Variants in SCAPER observed in about 807,000 individuals in gnomAD.
The protein encoded by SCAPER is S phase cyclin A-associated protein in the endoplasmic reticulum.
In SCAPER, 98 loss-of-function variants were observed where a neutral mutation model predicts 182.2. The observed-to-expected ratio is 0.54, with a 90% confidence interval of 0.46 to 0.64. The LOEUF (loss-of-function observed/expected upper bound fraction) is 0.64. Ranked by LOEUF, SCAPER falls within the 30% of genes least tolerant of loss-of-function variation. SCAPER has a pLI of 0.00. For synonymous variants in SCAPER, 605 were observed against 564.6 expected (o/e 1.07, Z -1.01); for missense variants, 1,432 against 1,690.0 (o/e 0.85, Z 2.68).
At chr15:76,544,572 A>G (rs1007319211) in intron 23 of SCAPER, among the ~76,000 whole-genome samples, 3 of 152,206 alleles carry the variant, frequency 2.0e-5, no homozygotes, top group Admixed American at 1.3e-4. Context: ...AAAAGACCAC[A>G]TATCGAATAA....
intron 27 of SCAPER, among the ~76,000 whole-genome samples, chr15:76,389,263 G>T (rs1170712954): frequency 6.6e-6 from 1 of 151,946 alleles, no homozygotes. Context: ...AACTTTGGGA[G>T]GCTGAGGTGG....
Position 76,762,013 on chromosome 15 carries a change from C to A in SCAPER, c.1725+2948G>T, listed in dbSNP as rs138551235. Among the ~76,000 whole-genome samples, 58 of 152,250 alleles carry A rather than the reference C, an allele frequency of 3.8e-4. 1 individual carries two copies. In the East Asian group the frequency reaches 9.8e-3, roughly 26 times the overall value. The stretch of plus-strand genomic sequence containing the variant: ...GTTGTATCCTCCTGTTAAACTGAAT[C>A]TTTTATCATTATTTAATGGCCTTCT... On this transcript the variant is annotated intron_variant, in intron 14 of 31. Coordinates refer to ENST00000563290, the MANE Select transcript of SCAPER (RefSeq NM_020843.4).
At position 76,406,846 on chromosome 15, in the gene SCAPER, G is replaced by C. The variant is rs538009045; in HGVS notation, c.3312-2167C>G. On this transcript the variant is annotated intron_variant, in intron 26 of 31. Coordinates refer to ENST00000563290, the MANE Select transcript of SCAPER (RefSeq NM_020843.4). ...ATGCAGGAGTGAGCATGTGCTTCAG[G>C]ACAGTCAAAGTACTCATCATCTTGG... 3.9e-5 allele frequency among the ~76,000 whole-genome samples: 6 copies of C among 152,244 alleles called. No individual in the cohort carries two copies. In the East Asian group the frequency reaches 7.7e-4, roughly 20 times the overall value.
rs112094211 is a variant in SCAPER, at chr15:76,811,133, A to G, written c.394-6500T>C. On this transcript the variant is annotated intron_variant, in intron 5 of 31. Coordinates refer to ENST00000563290, the MANE Select transcript of SCAPER (RefSeq NM_020843.4). The stretch of plus-strand genomic sequence containing the variant: ...TAGATAGAATTTACAAAAAAAAAAA[A>G]AAAGACAACGAAACAATACAAACCA... Among the ~76,000 whole-genome samples, 998 of 151,776 alleles carry G rather than the reference A, an allele frequency of 6.6e-3. 14 individuals carry two copies. The highest frequency in any genetic ancestry group is 0.023 in the African/African-American group (954 of 41,456).
intron 5 of SCAPER, among the ~76,000 whole-genome samples, chr15:76,837,409 T>C (rs2069053878): frequency 6.6e-6 from 1 of 152,142 alleles, no homozygotes; most frequent in Admixed American, 6.6e-5. Flanking sequence ...ATGATCATGG[T>C]GGAAGGGGAA....
intron 2 of SCAPER, among the ~76,000 whole-genome samples, chr15:76,879,781 T>C (rs1314341479): frequency 6.6e-6 from 1 of 152,196 alleles, no homozygotes; most frequent in African/African-American, 2.4e-5. Flanking sequence ...CTAAGTTTTC[T>C]TCAACCCCGA....
chr15:76,850,823 G>A (rs994350614), intron 4 of SCAPER, among the ~76,000 whole-genome samples: 9 of 139,156 alleles, frequency 6.5e-5, no homozygotes, highest in African/African-American at 2.4e-4. Context: ...TTGCGCCATT[G>A]TATTCCAGCC....
intron 23 of SCAPER, among the ~76,000 whole-genome samples, chr15:76,514,574 C>T (rs1173772134): frequency 6.6e-6 from 1 of 152,182 alleles, no homozygotes; most frequent in Non-Finnish European, 1.5e-5. Flanking sequence ...GGGAGGAAGG[C>T]CTTCAAAGCT....
intron 3 of SCAPER, among the ~76,000 whole-genome samples, chr15:76,858,588 T>C (rs1182460014): frequency 6.6e-6 from 1 of 152,112 alleles, no homozygotes; most frequent in East Asian, 1.9e-4. Context: ...AAGTAACTGA[T>C]AGGTAGTTTT....
chr15:76,569,594 T>C (rs1336960507), intron 23 of SCAPER, among the ~76,000 whole-genome samples: 1 of 152,146 alleles, frequency 6.6e-6, no homozygotes, highest in Non-Finnish European at 1.5e-5. Context: ...AATTGATTTG[T>C]AAGTTTTGGA....
intron 5 of SCAPER, among the ~76,000 whole-genome samples, chr15:76,827,683 A>G (rs1403553418): frequency 1.3e-5 from 2 of 152,206 alleles, no homozygotes; most frequent in Non-Finnish European, 2.9e-5. Flanking sequence ...AAAAAAATGC[A>G]AAAGATGAAT....
At position 76,496,011 on chromosome 15, in the gene SCAPER, C is replaced by CAT. The variant is rs1412352648; in HGVS notation, c.2954+8847_2954+8848insAT. Among the ~76,000 whole-genome samples, 85 of 149,818 alleles carry CAT rather than the reference C, an allele frequency of 5.7e-4. 1 individual carries two copies. Among genetic ancestry groups the CAT allele is most frequent in the African/African-American group, 1.9e-3 (77 of 40,718 alleles). On this transcript the variant is annotated intron_variant, in intron 24 of 31. Transcript: ENST00000563290. ...AGAGAGAGACACACACACACACACACACACACACACACACACACACACACA... is the reference window on the plus strand; with the variant it reads ...AGAGAGAGACACACACACACACACACATACACACACACACACACACACACACA...
intron 25 of SCAPER, among the ~76,000 whole-genome samples, chr15:76,464,974 C>G (rs938768645): frequency 1.3e-5 from 2 of 152,064 alleles, no homozygotes; most frequent in African/African-American, 4.8e-5. Flanking sequence ...TGCATTTTCA[C>G]AGTGATTAGT....
At chr15:76,571,397 A>G (rs1312559551) in intron 23 of SCAPER, among the ~76,000 whole-genome samples, 4 of 152,134 alleles carry the variant, frequency 2.6e-5, no homozygotes, top group Admixed American at 2.6e-4. Flanking sequence ...AAGCTTACAC[A>G]CTTTTAATTT....
intron 15 of SCAPER, among the ~76,000 whole-genome samples, chr15:76,746,599 A>G (rs923851254): frequency 2.6e-5 from 4 of 152,262 alleles, no homozygotes; most frequent in South Asian, 2.1e-4. Flanking sequence ...TTTGCAGACT[A>G]TGTGATCTTG....
chr15:76,636,215 C>T (rs1166399717), intron 21 of SCAPER, among the ~76,000 whole-genome samples: 1 of 152,152 alleles, frequency 6.6e-6, no homozygotes, highest in Non-Finnish European at 1.5e-5. Context: ...TCTTTCAGCA[C>T]ACTGAGTGTG....
intron 6 of SCAPER, among the ~76,000 whole-genome samples, chr15:76,802,788 G>A (rs901284665): frequency 6.6e-6 from 1 of 152,138 alleles, no homozygotes; most frequent in African/African-American, 2.4e-5. Context: ...GGCAGGATAG[G>A]CCTATTTGCT....
chr15:76,758,863 C>G (rs906983254), intron 14 of SCAPER, among the ~76,000 whole-genome samples: 5 of 151,880 alleles, frequency 3.3e-5, no homozygotes, highest in African/African-American at 1.2e-4. Context: ...AAACTGTATC[C>G]TTAATTTCTC....
intron 8 of SCAPER, among the ~76,000 whole-genome samples, chr15:76,781,829 A>T (rs2064165205): frequency 2.0e-5 from 3 of 152,208 alleles, no homozygotes; most frequent in Admixed American, 6.5e-5. Context: ...TTCACAGACA[A>T]GCAAATGCTG....
Sources: allele counts gnomAD v4.1 joint callset (sites outside exome capture counted in the v4.1 genomes callset), GRCh38; gene constraint gnomAD v4.1.1; transcripts MANE v1.5; gene names NCBI Gene and HGNC (gene_info 2026-07-23, HGNC 2026-07-21).